The following TASP1 variants were observed in gnomAD, a reference collection of about 807,000 sequenced individuals.
TASP1 encodes the protein taspase 1, also known as threonine aspartase 1.
In TASP1, 16 loss-of-function variants were observed where a neutral mutation model predicts 56.6. That is an observed-to-expected ratio of 0.28 (90% CI 0.19 to 0.43). The LOEUF is 0.43. TASP1 is among the 20% of genes least tolerant of loss of function. TASP1 has a pLI of 1.00. For missense variants in TASP1, 393 were observed against 511.6 expected, an observed-to-expected ratio of 0.77 and a Z score of 2.24; for synonymous variants, 179 against 184.2, an observed-to-expected ratio of 0.97 and a Z score of 0.23.
chr20:13,188,037 G>A, the TASP1 span, among the ~76,000 whole-genome samples: 1 of 152,148 alleles, frequency 6.6e-6, no homozygotes, highest in African/African-American at 2.4e-5. Flanking sequence ...GCTTCCCTCA[G>A]GTTCAGCTAG....
chr20:13,570,405 T>C (rs1205523760), intron 6 of TASP1, among the ~76,000 whole-genome samples: 2 of 152,122 alleles, frequency 1.3e-5, no homozygotes, highest in Non-Finnish European at 2.9e-5. Flanking sequence ...TACTTGCTAG[T>C]TTTCCACTCC....
chr20:13,601,978 G>T (rs947230962), intron 4 of TASP1, among the ~76,000 whole-genome samples: 1 of 139,418 alleles, frequency 7.2e-6, no homozygotes, highest in Admixed American at 8.0e-5. Context: ...CTGGGTTCAC[G>T]CCATTCTCCT....
intron 11 of TASP1, among the ~76,000 whole-genome samples, chr20:13,438,695 A>C (rs1326675290): frequency 6.6e-6 from 1 of 152,232 alleles, no homozygotes; most frequent in Admixed American, 6.5e-5. Flanking sequence ...CAGCAAAAGA[A>C]ACCACCATCA....
chr20:13,344,778 C>A, the TASP1 span, among the ~76,000 whole-genome samples: 1 of 152,184 alleles, frequency 6.6e-6, no homozygotes, highest in Non-Finnish European at 1.5e-5. Flanking sequence ...GCCCACAGTG[C>A]TCGCGCCTCT....
chr20:13,296,466 T>C, the TASP1 span, among the ~76,000 whole-genome samples: 1 of 152,168 alleles, frequency 6.6e-6, no homozygotes, highest in African/African-American at 2.4e-5. Flanking sequence ...ATTATTGCAA[T>C]GGGATGAACG....
At chr20:13,384,189 T>G in the TASP1 span, among the ~76,000 whole-genome samples, 2 of 152,184 alleles carry the variant, frequency 1.3e-5, no homozygotes, top group African/African-American at 4.8e-5. Flanking sequence ...TGTTTTGAAT[T>G]TTTTTCTTTT....
chr20:13,191,308 T>C, the TASP1 span, among the ~76,000 whole-genome samples: 1 of 152,212 alleles, frequency 6.6e-6, no homozygotes, highest in Non-Finnish European at 1.5e-5. Context: ...ATTGCAGCAC[T>C]ATTCACAATA....
At chr20:13,147,907 T>C in the TASP1 span, among the ~76,000 whole-genome samples, 3 of 152,208 alleles carry the variant, frequency 2.0e-5, no homozygotes, top group East Asian at 5.8e-4. Context: ...CATATTCATG[T>C]TTTCTGTTAG....
At chr20:13,384,497 T>TG (rs2041150113), downstream of TASP1, among the ~76,000 whole-genome samples, 3 of 151,672 alleles carry the variant, frequency 2.0e-5, no homozygotes. Flanking sequence ...GACAGAAGCA[T>TG]GGGGGAAAAA....
chr20:13,111,312 G>C, the TASP1 span, among the ~76,000 whole-genome samples: 2 of 152,206 alleles, frequency 1.3e-5, no homozygotes, highest in East Asian at 3.9e-4. Flanking sequence ...AAGTCTTTGG[G>C]AGCACTCTAG....
At chr20:13,585,104 G>A (rs1160384903) in intron 5 of TASP1, among the ~76,000 whole-genome samples, 1 of 152,280 alleles carries the variant, frequency 6.6e-6, no homozygotes, top group African/African-American at 2.4e-5. Context: ...ACAATTCTGT[G>A]AGGAAAAGAC....
intron 12 of TASP1, among the ~76,000 whole-genome samples, chr20:13,418,436 G>A (rs532697619): frequency 6.7e-4 from 102 of 152,292 alleles, no homozygotes; most frequent in African/African-American, 2.2e-3. Context: ...AATAAATAAT[G>A]AGAGTAATGA....
At chr20:13,415,153 G>A (rs1196091294) in intron 13 of TASP1, among the ~76,000 whole-genome samples, 1 of 152,112 alleles carries the variant, frequency 6.6e-6, no homozygotes, top group Non-Finnish European at 1.5e-5. Context: ...TCAACATTAT[G>A]GAGGAACATG....
chr20:13,158,408 C>A, the TASP1 span, among the ~76,000 whole-genome samples: 1 of 152,118 alleles, frequency 6.6e-6, no homozygotes, highest in South Asian at 2.1e-4. Flanking sequence ...ATATATTTTG[C>A]CCTGCATTCT....
At chr20:13,350,108 G>T in the TASP1 span, among the ~76,000 whole-genome samples, 1 of 152,154 alleles carries the variant, frequency 6.6e-6, no homozygotes, top group African/African-American at 2.4e-5. Context: ...ACTTCAGCCT[G>T]GGTGACAGAG....
chr20:13,105,388 C>CG, the TASP1 span, among the ~76,000 whole-genome samples: 1 of 152,170 alleles, frequency 6.6e-6, no homozygotes, highest in Non-Finnish European at 1.5e-5. Flanking sequence ...TCAAACACAA[C>CG]GAAGTCCCTG....
At chr20:13,356,847 T>A in the TASP1 span, among the ~76,000 whole-genome samples, 1 of 152,152 alleles carries the variant, frequency 6.6e-6, no homozygotes, top group African/African-American at 2.4e-5. Context: ...CTCATGGCAG[T>A]AAGTAATAAA....
chr20:13,528,354 A>T, intron 10 of TASP1, 79 bp downstream of exon 10: 1 of 1,246,880 alleles, frequency 8.0e-7, no homozygotes, highest in Non-Finnish European at 1.1e-6. Flanking sequence ...TTCTATGTTT[A>T]CCCACAAATA....
the TASP1 span, among the ~76,000 whole-genome samples, chr20:13,121,085 C>G: frequency 6.6e-6 from 1 of 152,196 alleles, no homozygotes; most frequent in Non-Finnish European, 1.5e-5. Context: ...TGTATTGATC[C>G]TGTTGCTGGG....
Sources: allele counts gnomAD v4.1 joint callset (sites outside exome capture counted in the v4.1 genomes callset), GRCh38; gene constraint gnomAD v4.1.1; transcripts MANE v1.5; gene names NCBI Gene and HGNC (gene_info 2026-07-23, HGNC 2026-07-21).